The following CAP2 variants were observed in gnomAD, a reference collection of about 807,000 sequenced individuals.
CAP2 encodes the protein cyclase associated actin cytoskeleton regulatory protein 2.
CAP2 carries 24 observed loss-of-function variants against 57.7 expected under a neutral mutation model. The observed-to-expected ratio is 0.42, with a 90% confidence interval of 0.30 to 0.58. The LOEUF (loss-of-function observed/expected upper bound fraction) is 0.58, where lower values mean the gene tolerates loss of function less well. CAP2 is among the 20% of genes least tolerant of loss of function. CAP2 has a pLI of 0.22. For missense variants in CAP2, 501 were observed against 590.3 expected, an observed-to-expected ratio of 0.85 and a Z score of 1.57; for synonymous variants, 194 against 207.2, an observed-to-expected ratio of 0.94 and a Z score of 0.55.
chr6:17,549,237 G>C (rs1763118304), intron 11 of CAP2, among the ~76,000 whole-genome samples: 1 of 152,210 alleles, frequency 6.6e-6, no homozygotes, highest in African/African-American at 2.4e-5. Flanking sequence ...GCCAAGGTGG[G>C]TGGATCACCT....
At chr6:17,458,600 C>A (rs1437892094) in intron 3 of CAP2, among the ~76,000 whole-genome samples, 1 of 152,176 alleles carries the variant, frequency 6.6e-6, no homozygotes, top group Non-Finnish European at 1.5e-5. Context: ...CCAGTTAACA[C>A]ATGTACCTTA....
chr6:17,556,675 T>G lies in CAP2; in HGVS notation c.*233T>G. 4.0e-6 allele frequency: 2 copies of G among 505,422 alleles called. No individual in the cohort carries two copies. The highest frequency in any genetic ancestry group is 7.0e-6 in the Non-Finnish European group (2 of 283,956). 31.3% of individuals were successfully genotyped at this position (505,422 alleles called of 1,614,324 possible). A position where few individuals can be genotyped will look rare whatever the true frequency, so the allele number is the denominator to read the frequency against. ...GATTTTAGTTCCACATGATGACTTG[T>G]GAACATTAGGGATTTAAAGGAAAAA... On this transcript the variant is annotated 3_prime_UTR_variant, in exon 13 of 13. Transcript: ENST00000229922.
At chr6:17,511,482 C>T (rs560704371) in intron 6 of CAP2, among the ~76,000 whole-genome samples, 3 of 152,178 alleles carry the variant, frequency 2.0e-5, no homozygotes, top group African/African-American at 4.8e-5. Flanking sequence ...TACAGAGTCT[C>T]GCTCTGTCAC....
chr6:17,437,342 CGG>C (rs1001189740), intron 3 of CAP2, among the ~76,000 whole-genome samples: 20 of 151,954 alleles, frequency 1.3e-4, no homozygotes, highest in Admixed American at 5.3e-4. Flanking sequence ...CAGGGATAGG[CGG>C]GATGCTGGGT....
intron 3 of CAP2, among the ~76,000 whole-genome samples, chr6:17,448,615 G>T (rs1224101954): frequency 6.6e-6 from 1 of 152,168 alleles, no homozygotes; most frequent in African/African-American, 2.4e-5. Context: ...ATTTAGAAGA[G>T]TTCAGTGTTG....
chr6:17,498,866 T>C (rs1262179887), intron 4 of CAP2, among the ~76,000 whole-genome samples: 16 of 151,996 alleles, frequency 1.1e-4, no homozygotes, highest in African/African-American at 3.4e-4. Context: ...TTAGCTGGGA[T>C]TACAGGCGCC....
intron 2 of CAP2, among the ~76,000 whole-genome samples, chr6:17,425,418 C>G (rs1581506815): frequency 6.6e-6 from 1 of 152,312 alleles, no homozygotes. Context: ...CCCCCCACCC[C>G]CTGGGGAGTG....
intron 11 of CAP2, among the ~76,000 whole-genome samples, chr6:17,544,737 T>C (rs959650498): frequency 6.6e-6 from 1 of 152,164 alleles, no homozygotes; most frequent in Admixed American, 6.6e-5. Context: ...GAATATTTAA[T>C]AGAGACAGGG....
chr6:17,486,352 T>TC (rs1364509583), intron 4 of CAP2, among the ~76,000 whole-genome samples: 1 of 152,164 alleles, frequency 6.6e-6, no homozygotes, highest in African/African-American at 2.4e-5. Context: ...ATGCCTGTAA[T>TC]CCCAGCACTG....
intron 3 of CAP2, among the ~76,000 whole-genome samples, chr6:17,462,558 C>G (rs578197337): frequency 1.3e-5 from 2 of 151,262 alleles, no homozygotes; most frequent in African/African-American, 4.9e-5. Context: ...CCCATTCCTC[C>G]CTCCCAGCAG....
intron 3 of CAP2, among the ~76,000 whole-genome samples, chr6:17,450,982 C>T (rs1473999337): frequency 3.9e-5 from 6 of 152,072 alleles, no homozygotes; most frequent in African/African-American, 1.4e-4. Context: ...GGAATATTGC[C>T]AACATATTCG....
chr6:17,441,248 A>C (rs982412811), intron 3 of CAP2, among the ~76,000 whole-genome samples: 1 of 151,430 alleles, frequency 6.6e-6, no homozygotes, highest in Non-Finnish European at 1.5e-5. Flanking sequence ...GTTTCTTTCA[A>C]GATGTTTAAG....
chr6:17,462,918 G>A (rs760420767), intron 3 of CAP2, 78 bp from the exon 4 acceptor site: 22 of 1,072,180 alleles, frequency 2.1e-5, no homozygotes, highest in South Asian at 3.8e-5. Context: ...ATATACCTAC[G>A]GGTGGAATTG....
At chr6:17,436,461 T>C (rs1759891082) in intron 3 of CAP2, among the ~76,000 whole-genome samples, 1 of 151,988 alleles carries the variant, frequency 6.6e-6, no homozygotes, top group Admixed American at 6.6e-5. Flanking sequence ...GAGAGTTTAA[T>C]AAAGGGACTA....
chr6:17,479,760 C>T (rs188642976), intron 4 of CAP2, among the ~76,000 whole-genome samples: 192 of 151,390 alleles, frequency 1.3e-3, no homozygotes, highest in African/African-American at 4.5e-3. Flanking sequence ...TACAGTCACC[C>T]GCCACCACAC....
At chr6:17,414,528 G>A (rs1032018030) in intron 1 of CAP2, among the ~76,000 whole-genome samples, 4 of 152,120 alleles carry the variant, frequency 2.6e-5, no homozygotes, top group Admixed American at 1.3e-4. Flanking sequence ...TCCTGTGTTA[G>A]TTTGCTGAGG....
intron 9 of CAP2, among the ~76,000 whole-genome samples, chr6:17,542,310 C>T (rs915122452): frequency 6.6e-6 from 1 of 152,166 alleles, no homozygotes; most frequent in Non-Finnish European, 1.5e-5. Context: ...GCTGCCACCC[C>T]CCACTGCCCG....
intron 4 of CAP2, among the ~76,000 whole-genome samples, chr6:17,500,340 A>AAT (rs4052821): frequency 0.089 from 2,935 of 32,802 alleles, 202 homozygotes; most frequent in East Asian, 0.13. Context: ...TGTGTGTCCA[A>AAT]ATATATATAT....
intron 4 of CAP2, among the ~76,000 whole-genome samples, chr6:17,490,043 A>AT (rs1469003255): frequency 1.3e-5 from 2 of 152,150 alleles, no homozygotes; most frequent in Non-Finnish European, 2.9e-5. Context: ...CTGTGTATGC[A>AT]TGTAAGTGAA....
Sources: allele counts gnomAD v4.1 joint callset (sites outside exome capture counted in the v4.1 genomes callset), GRCh38; gene constraint gnomAD v4.1.1; transcripts MANE v1.5; gene names NCBI Gene and HGNC (gene_info 2026-07-23, HGNC 2026-07-21).